The following ITPKC variants were observed in gnomAD, a reference collection of about 807,000 sequenced individuals.
ITPKC encodes IP3 3-kinase C.
In ITPKC, 33 loss-of-function variants were observed where a neutral mutation model predicts 67.1. The ratio of observed to expected loss-of-function variants is 0.49; its 90% confidence interval spans 0.37 to 0.66. The LOEUF is 0.66. Ranked by LOEUF, ITPKC falls within the 30% of genes least tolerant of loss-of-function variation. The pLI, the probability that ITPKC is intolerant of heterozygous loss-of-function variation, is 0.00. For synonymous variants in ITPKC, 341 were observed against 359.8 expected, an observed-to-expected ratio of 0.95 and a Z score of 0.59; for missense variants, 820 against 892.1, an observed-to-expected ratio of 0.92 and a Z score of 1.03.
Position 40,740,138 on chromosome 19 carries a change from G to A in ITPKC, c.*578G>A, listed in dbSNP as rs1032274309. Reference sequence around the variant, plus strand: ...AGAGGCTCAGAGGGCATGACCCCATGGGACTGGATGCGGCCTGAGGGCTGA... The same window carrying A: ...AGAGGCTCAGAGGGCATGACCCCATAGGACTGGATGCGGCCTGAGGGCTGA... On this transcript the variant is annotated 3_prime_UTR_variant, in exon 7 of 7. Coordinates refer to ENST00000263370, the MANE Select transcript of ITPKC (RefSeq NM_025194.3). 2.6e-5 allele frequency: 4 copies of A among 153,998 alleles called. No homozygotes were observed. Among genetic ancestry groups the A allele is most frequent in the African/African-American group, 9.6e-5 (4 of 41,474 alleles). 9.5% of individuals were successfully genotyped at this position (153,998 alleles called of 1,614,324 possible).
rs545170382 is a variant in ITPKC, at chr19:40,736,039, C to T, written c.1675-947C>T. Reference sequence around the variant, plus strand: ...AGGTGCAGTGGCTCACGCCAGTAATCCTAGCACTTTGGGAGGCCAAGGCGG... The same window carrying T: ...AGGTGCAGTGGCTCACGCCAGTAATTCTAGCACTTTGGGAGGCCAAGGCGG... On this transcript the variant is annotated intron_variant, in intron 4 of 6. Transcript: ENST00000263370. Among the ~76,000 whole-genome samples, 6 of 152,296 alleles carry T rather than the reference C, an allele frequency of 3.9e-5. No individual in the cohort carries two copies. In the South Asian group the frequency reaches 1.2e-3, roughly 32 times the overall value.
In ITPKC at chr19:40,718,084, T is replaced by C. The variant is rs1433681624; in HGVS notation, c.949T>C (p.Ser317Pro). The change falls in exon 1 of 7, where the codon TCT becomes CCT. Residue 317 changes from serine (S) to proline (P), a missense_variant. Around this residue, in one of 2 missense-constraint regions of ITPKC, gnomAD observed 481 missense variants for 470.1 expected, o/e 1.02. Coordinates refer to ENST00000263370, the MANE Select transcript of ITPKC (RefSeq NM_025194.3). ...EPGELLTHLYSHLKCSPLCPV... is the reference protein window; with the variant it reads ...EPGELLTHLYPHLKCSPLCPV... ...TGGAGAATTGCTGACTCACCTGTAC[T>C]CTCACCTGAAGTGTAGCCCCCTGTG... 1 of 1,613,948 alleles carries C rather than the reference T, an allele frequency of 6.2e-7. No homozygotes were observed.
chr19:40,736,979 C>T lies in ITPKC; in HGVS notation c.1675-7C>T, dbSNP rs1320103825. ...ATGACCCTGCCCCTCCACACCCTGC[C>T]CTACAGAAGGCAGATGGGACCTGTA... On this transcript the variant is annotated splice_region_variant and splice_polypyrimidine_tract_variant and intron_variant, in intron 4 of 6. Coordinates refer to ENST00000263370, the MANE Select transcript of ITPKC (RefSeq NM_025194.3). The T allele has an allele frequency of 1.9e-6, 3 of 1,569,678 alleles. No homozygotes were observed. The highest frequency in any genetic ancestry group is 2.6e-6 in the Non-Finnish European group (3 of 1,153,208).
Position 40,739,629 on chromosome 19 carries a change from G to C in ITPKC, c.*69G>C. The stretch of plus-strand genomic sequence containing the variant: ...CTGGAGGAGCCCTGAGATGCCATGG[G>C]AGGCCTGAGGTTGGCCACGGGGGAG... On this transcript the variant is annotated 3_prime_UTR_variant, in exon 7 of 7. Coordinates refer to ENST00000263370, the MANE Select transcript of ITPKC (RefSeq NM_025194.3). The C allele has an allele frequency of 6.9e-7, 1 of 1,444,316 alleles. No homozygotes were observed. The highest frequency in any genetic ancestry group is 1.2e-5 in the South Asian group (1 of 80,510). 89.5% of individuals were successfully genotyped at this position (1,444,316 alleles called of 1,614,324 possible). A position where few individuals can be genotyped will look rare whatever the true frequency, so the allele number is the denominator to read the frequency against.
intron 1 of ITPKC, among the ~76,000 whole-genome samples, chr19:40,719,769 G>A (rs1417091538): frequency 6.6e-6 from 1 of 152,080 alleles, no homozygotes; most frequent in Non-Finnish European, 1.5e-5. Context: ...GGAATTACCA[G>A]CATGAGCCAC....
intron 3 of ITPKC, among the ~76,000 whole-genome samples, chr19:40,732,142 T>A (rs1599653607): frequency 7.4e-6 from 1 of 135,334 alleles, no homozygotes. Context: ...GAGGCTGAGG[T>A]GGGAGGATCA....
intron 1 of ITPKC, among the ~76,000 whole-genome samples, chr19:40,721,098 C>G (rs563896390): frequency 6.6e-6 from 1 of 151,934 alleles, no homozygotes; most frequent in South Asian, 2.1e-4. Context: ...ACTCCCTAAG[C>G]CCCTACCATG....
intron 4 of ITPKC, 58 bp from the exon 5 acceptor site, chr19:40,736,928 G>T: frequency 8.4e-7 from 1 of 1,194,796 alleles, no homozygotes. Context: ...AGGTTGCTGG[G>T]TATTGGGTGC....
rs1461017668 is a variant in ITPKC, at chr19:40,718,163, C to T, written c.1028C>T (p.Pro343Leu). 1 of 1,595,490 alleles carries T rather than the reference C, an allele frequency of 6.3e-7. No homozygotes were observed. The highest frequency in any genetic ancestry group is 1.7e-5 in the Admixed American group (1 of 59,068). Reference protein sequence around the residue: ...TPETPEPEAQPVGPPSRVEGG... With the variant: ...TPETPEPEAQLVGPPSRVEGG... ...GAGACCCCTGAGCCTGAGGCCCAGCCAGTGGGACCCCCCTCCCGGGTTGAG... is the reference window on the plus strand; with the variant it reads ...GAGACCCCTGAGCCTGAGGCCCAGCTAGTGGGACCCCCCTCCCGGGTTGAG... Residue 343 changes from proline (P) to leucine (L), a missense_variant, in exon 1 of 7, where the codon CCA becomes CTA. Around this residue, in one of 2 missense-constraint regions of ITPKC, gnomAD observed 481 missense variants for 470.1 expected, o/e 1.02. Transcript: ENST00000263370.
chr19:40,732,510 C>A (rs918589500), intron 3 of ITPKC, among the ~76,000 whole-genome samples: 1 of 122,648 alleles, frequency 8.2e-6, no homozygotes, highest in African/African-American at 3.3e-5. Flanking sequence ...CACTCTAGCT[C>A]GGGCGGGCGT....
At chr19:40,723,937 T>C (rs2082234234) in intron 1 of ITPKC, among the ~76,000 whole-genome samples, 1 of 152,192 alleles carries the variant, frequency 6.6e-6, no homozygotes, top group Non-Finnish European at 1.5e-5. Flanking sequence ...TACACATTGG[T>C]CACAGGTCAG....
At chr19:40,727,103 G>A (rs1451009446) in intron 2 of ITPKC, among the ~76,000 whole-genome samples, 1 of 152,134 alleles carries the variant, frequency 6.6e-6, no homozygotes, top group Non-Finnish European at 1.5e-5. Flanking sequence ...GGGAGGCCAA[G>A]GCAGGCGGAT....
At chr19:40,719,750 C>T (rs192343678) in intron 1 of ITPKC, among the ~76,000 whole-genome samples, 138 of 152,176 alleles carry the variant, frequency 9.1e-4, no homozygotes, top group Middle Eastern at 3.4e-3. Context: ...CTCAGCCTCC[C>T]GAAGTGCTGG....
intron 2 of ITPKC, among the ~76,000 whole-genome samples, chr19:40,728,767 C>A (rs2082257356): frequency 2.0e-5 from 3 of 152,154 alleles, no homozygotes; most frequent in African/African-American, 7.2e-5. Context: ...GTGGCTCACG[C>A]TTGTAATCCC....
At chr19:40,738,045 GC>G (rs2082303257) in intron 6 of ITPKC, among the ~76,000 whole-genome samples, 1 of 150,870 alleles carries the variant, frequency 6.6e-6, no homozygotes, top group African/African-American at 2.4e-5. Context: ...TGTAATCCCA[GC>G]ACTTTGGGAG....
At chr19:40,720,852 T>C (rs184804487) in intron 1 of ITPKC, among the ~76,000 whole-genome samples, 112 of 152,286 alleles carry the variant, frequency 7.4e-4, no homozygotes, top group African/African-American at 2.6e-3. Flanking sequence ...TGAAATCCTC[T>C]CTGACCGTAA....
intron 3 of ITPKC, 71 bp downstream of exon 3, chr19:40,729,486 C>T (rs2082260923): frequency 1.4e-6 from 2 of 1,392,498 alleles, no homozygotes; most frequent in South Asian, 1.2e-5. Context: ...ATTGGCCTGG[C>T]CAGGCGCGGT....
rs2082320729 is a variant in ITPKC, at chr19:40,740,453, G to A, written c.*893G>A. ...TTGCAACTCAGAGCTGCTGCACTCAGGAGGGCCCCATCCAATCCCGGGCCC... is the reference window on the plus strand; with the variant it reads ...TTGCAACTCAGAGCTGCTGCACTCAAGAGGGCCCCATCCAATCCCGGGCCC... On this transcript the variant is annotated 3_prime_UTR_variant, in exon 7 of 7. Transcript: ENST00000263370. 5.0e-6 allele frequency: 1 copy of A among 200,692 alleles called. No individual in the cohort carries two copies. Among genetic ancestry groups the A allele is most frequent in the Non-Finnish European group, 1.0e-5 (1 of 98,844 alleles). 12.4% of individuals were successfully genotyped at this position (200,692 alleles called of 1,614,324 possible).
chr19:40,726,839 T>G (rs1351703517), intron 2 of ITPKC, among the ~76,000 whole-genome samples: 2 of 151,894 alleles, frequency 1.3e-5, no homozygotes, highest in Non-Finnish European at 2.9e-5. Context: ...CCCAGGAGTT[T>G]GAGACCAGCC....
Sources: allele counts gnomAD v4.1 joint callset (sites outside exome capture counted in the v4.1 genomes callset), GRCh38; gene constraint gnomAD v4.1.1; regional missense constraint gnomAD v4.1.1; transcripts MANE v1.5; gene names NCBI Gene and HGNC (gene_info 2026-07-23, HGNC 2026-07-21).